Variants in PITPNM3 observed in about 807,000 individuals in gnomAD.
PITPNM3 encodes the protein PITPNM family member 3, also known as membrane-associated phosphatidylinositol transfer protein 3.
A neutral mutation model predicts 102.0 loss-of-function variants in PITPNM3; 26 were observed. That is an observed-to-expected ratio of 0.25 (90% CI 0.19 to 0.35). PITPNM3 has a LOEUF of 0.35. PITPNM3 is among the 10% of genes least tolerant of loss of function. The pLI is 1.00. For missense variants in PITPNM3, 1,083 were observed against 1,346.1 expected (o/e 0.80, Z 3.06); for synonymous variants, 578 against 558.6 (o/e 1.03, Z -0.49).
chr17:6,471,077 A>G (rs1905043091), intron 12 of PITPNM3, 84 bp downstream of exon 12: 1 of 1,501,432 alleles, frequency 6.7e-7, no homozygotes. Context: ...TGCCCTCAGC[A>G]GCTCTAGCAG....
chr17:6,549,234 C>A (rs1910184518), intron 1 of PITPNM3, among the ~76,000 whole-genome samples: 1 of 152,180 alleles, frequency 6.6e-6, no homozygotes, highest in Non-Finnish European at 1.5e-5. Flanking sequence ...ACGGACTACA[C>A]CCCATGGAGC....
At chr17:6,485,161 C>CTT (rs1335515715) in intron 4 of PITPNM3, among the ~76,000 whole-genome samples, 6 of 139,538 alleles carry the variant, frequency 4.3e-5, no homozygotes, top group Non-Finnish European at 4.7e-5. Flanking sequence ...ATTTTCTTTT[C>CTT]TTTTTTTTTT....
intron 1 of PITPNM3, among the ~76,000 whole-genome samples, chr17:6,551,580 G>A (rs2150683262): frequency 6.6e-6 from 1 of 152,100 alleles, no homozygotes; most frequent in Non-Finnish European, 1.5e-5. Context: ...AAAGATTTAA[G>A]AATCCCAGCG....
chr17:6,452,875 C>A lies in PITPNM3; in HGVS notation c.*2463G>T, dbSNP rs1158660073. 6.6e-6 allele frequency: 1 copy of A among 152,176 alleles called. No individual in the cohort carries two copies. The highest frequency in any genetic ancestry group is 2.4e-5 in the African/African-American group (1 of 41,418). 9.4% of individuals were successfully genotyped at this position (152,176 alleles called of 1,614,324 possible). ...CCTCCTGCTGGGTCCTGTGTCCCAG[C>A]TCTGACCCCAGAGCCACAGAACCCT... On this transcript the variant is annotated 3_prime_UTR_variant, in exon 20 of 20. Coordinates refer to ENST00000262483, the MANE Select transcript of PITPNM3 (RefSeq NM_031220.4).
chr17:6,549,076 T>C (rs549860827), intron 1 of PITPNM3, among the ~76,000 whole-genome samples: 1 of 152,066 alleles, frequency 6.6e-6, no homozygotes, highest in South Asian at 2.1e-4. Flanking sequence ...CTTCCCCTGG[T>C]AGGTGGTTCA....
rs971075498 is a variant in PITPNM3 at position 6,541,474 on chromosome 17, G to A, written c.23-3392C>T. Among the ~76,000 whole-genome samples the A allele has an allele frequency of 3.9e-5, 6 of 152,254 alleles. No homozygotes were observed. In the South Asian group the frequency reaches 8.3e-4, roughly 21 times the overall value. ...ATCCATGTGGCTGGGGCCAATGATTGAAGGGGGACAGGAATAGGGGAAATG... is the reference window on the plus strand; with the variant it reads ...ATCCATGTGGCTGGGGCCAATGATTAAAGGGGGACAGGAATAGGGGAAATG... On this transcript the variant is annotated intron_variant, in intron 1 of 19. Transcript: ENST00000262483.
chr17:6,461,393 G>A lies in PITPNM3; in HGVS notation c.2470C>T (p.Leu824=). 2 of 1,614,136 alleles carry A rather than the reference G, an allele frequency of 1.2e-6. No individual in the cohort carries two copies. The highest frequency in any genetic ancestry group is 8.5e-7 in the Non-Finnish European group (1 of 1,180,048). Residue 824 remains leucine, a synonymous_variant, in exon 18 of 20, where the codon CTG becomes TTG. Coordinates refer to ENST00000262483, the MANE Select transcript of PITPNM3 (RefSeq NM_031220.4). ...HDPLRQKAIF[L]RNLMQECFIK... ...CTCACCTCCTGCATGAGGTTGCGCA[G>A]GAAGATGGCCTTCTGCCGCAGCGGG... is the stretch of plus-strand genomic sequence containing the variant.
rs138053944 is a variant in PITPNM3, at chr17:6,505,704, G to C, written c.227-2130C>G. Among the ~76,000 whole-genome samples, 402 of 152,320 alleles carry C rather than the reference G, an allele frequency of 2.6e-3. 3 individuals are homozygous for C. The highest frequency in any genetic ancestry group is 9.2e-3 in the African/African-American group (383 of 41,584). On this transcript the variant is annotated intron_variant, in intron 3 of 19. Transcript: ENST00000262483. ...CCCAGCAGAGCTGGGGCCTAGCAGA[G>C]AAATTAAGACATAAGACATGCATTC... is the stretch of plus-strand genomic sequence containing the variant.
At chr17:6,498,989 G>C (rs557148065) in intron 4 of PITPNM3, among the ~76,000 whole-genome samples, 1 of 152,230 alleles carries the variant, frequency 6.6e-6, no homozygotes, top group East Asian at 1.9e-4. Flanking sequence ...AGAAGACCCC[G>C]AGAATGTCAG....
chr17:6,529,142 C>G (rs1027702645), intron 2 of PITPNM3, among the ~76,000 whole-genome samples: 1 of 152,200 alleles, frequency 6.6e-6, no homozygotes, highest in Non-Finnish European at 1.5e-5. Context: ...CACCCACTGT[C>G]ACAATAGCCC....
At chr17:6,529,134 C>T (rs1909002534) in intron 2 of PITPNM3, among the ~76,000 whole-genome samples, 1 of 152,176 alleles carries the variant, frequency 6.6e-6, no homozygotes, top group East Asian at 1.9e-4. Flanking sequence ...CTGAGCCTCA[C>T]CCACTGTCAC....
At chr17:6,479,406 A>G (rs775189043) in intron 6 of PITPNM3, 1 of 152,532 alleles carries the variant, frequency 6.6e-6, no homozygotes, top group African/African-American at 2.4e-5. Flanking sequence ...CTACCTTCCC[A>G]CTAGGAAATC....
chr17:6,455,286 G>A lies in PITPNM3; in HGVS notation c.*52C>T, dbSNP rs1914036850. On this transcript the variant is annotated 3_prime_UTR_variant, in exon 20 of 20. Coordinates refer to ENST00000262483, the MANE Select transcript of PITPNM3 (RefSeq NM_031220.4). ...GAGAGGGCAGCCCCCTCCCGTCCCC[G>A]CAGGCAGCCTGATTGGGCCCCCCGC... is the stretch of plus-strand genomic sequence containing the variant. The A allele has an allele frequency of 2.6e-6, 4 of 1,520,168 alleles. No homozygotes were observed. Among genetic ancestry groups the A allele is most frequent in the South Asian group, 1.3e-5 (1 of 77,988 alleles). The allele number at this position is 1,520,168 out of a possible 1,614,324, so 94.2% of individuals were successfully genotyped here. A position where few individuals can be genotyped will look rare whatever the true frequency, so the allele number is the denominator to read the frequency against.
chr17:6,484,411 T>TC, intron 4 of PITPNM3, 119 bp from the exon 5 acceptor site: 1 of 1,027,368 alleles, frequency 9.7e-7, no homozygotes, highest in Non-Finnish European at 1.5e-6. Flanking sequence ...TGAGCTCAAG[T>TC]TAGAGTCTGG....
Position 6,457,820 on chromosome 17 carries a change from T to A in PITPNM3, c.2491-98A>T. ...CAGGGGGCCCCTGCTTGGGGACCCT[T>A]TATGTGCACTCTGGTAGACTCCAAG... On this transcript the variant is annotated intron_variant, in intron 18 of 19. Transcript: ENST00000262483. This position sits in a 1 kb window ranked among gnomAD's most constrained non-coding sequence, Gnocchi z 4.7. 6.8e-7 allele frequency: 1 copy of A among 1,477,630 alleles called. No individual in the cohort carries two copies. Among genetic ancestry groups the A allele is most frequent in the East Asian group, 2.5e-5 (1 of 40,504 alleles). 91.5% of individuals were successfully genotyped at this position (1,477,630 alleles called of 1,614,324 possible).
chr17:6,494,893 C>G (rs9916344), intron 4 of PITPNM3, among the ~76,000 whole-genome samples: 3 of 151,896 alleles, frequency 2.0e-5, no homozygotes, highest in Admixed American at 2.0e-4. Flanking sequence ...CAGTAGGGGA[C>G]AGATTAAATA....
chr17:6,458,062 G>A lies in PITPNM3; in HGVS notation c.2491-340C>T, dbSNP rs942405995. ...TCCAGGTTTCTGGCTCACAGGGCCA[G>A]GACTGGAGGCCAGTTCTGCCTGGCT... On this transcript the variant is annotated intron_variant, in intron 18 of 19. Transcript: ENST00000262483. The surrounding 1 kb of genome is among the most constrained non-coding windows in gnomAD (Gnocchi z 5.1). 6.6e-6 allele frequency among the ~76,000 whole-genome samples: 1 copy of A among 152,186 alleles called. No individual in the cohort carries two copies. The highest frequency in any genetic ancestry group is 2.4e-5 in the African/African-American group (1 of 41,440).
intron 4 of PITPNM3, among the ~76,000 whole-genome samples, chr17:6,503,013 G>A (rs8074746): frequency 0.093 from 14,231 of 152,214 alleles, 713 homozygotes; most frequent in African/African-American, 0.13. Context: ...TAGCCTCTTC[G>A]TGGAGCAATA....
At chr17:6,551,086 G>A (rs189904826) in intron 1 of PITPNM3, among the ~76,000 whole-genome samples, 10 of 152,314 alleles carry the variant, frequency 6.6e-5, no homozygotes, top group Admixed American at 5.9e-4. Flanking sequence ...GGCCAGGCAC[G>A]GTGGCTCACA....
Sources: allele counts gnomAD v4.1 joint callset (sites outside exome capture counted in the v4.1 genomes callset), GRCh38; gene constraint gnomAD v4.1.1; non-coding constraint Gnocchi (gnomAD v3.1); transcripts MANE v1.5; gene names NCBI Gene and HGNC (gene_info 2026-07-23, HGNC 2026-07-21).